The following ARB2A variants were observed in gnomAD, a reference collection of about 807,000 sequenced individuals.
ARB2A encodes cotranscriptional regulator ARB2A.
the ARB2A span, among the ~76,000 whole-genome samples, chr5:93,714,429 GC>G: frequency 6.6e-6 from 1 of 152,274 alleles, no homozygotes; most frequent in African/African-American, 2.4e-5. Context: ...AACTCTGAAA[GC>G]CTCCCTTCTA....
the ARB2A span, chr5:94,053,188 T>A: frequency 6.3e-7 from 1 of 1,599,272 alleles, no homozygotes; most frequent in Non-Finnish European, 8.5e-7. Flanking sequence ...CGGTTCATCT[T>A]TTTTCATTAG....
chr5:94,094,992 C>T, the ARB2A span, among the ~76,000 whole-genome samples: 3 of 152,212 alleles, frequency 2.0e-5, no homozygotes, highest in African/African-American at 4.8e-5. Flanking sequence ...GTCATGATCA[C>T]GTCATTCTCC....
At chr5:93,741,422 G>A in the ARB2A span, 1 of 1,613,452 alleles carries the variant, frequency 6.2e-7, no homozygotes, top group Non-Finnish European at 8.5e-7. Flanking sequence ...CTGACTGCCG[G>A]CCAGACCATC....
chr5:93,969,897 A>G, the ARB2A span, among the ~76,000 whole-genome samples: 1 of 152,114 alleles, frequency 6.6e-6, no homozygotes, highest in Non-Finnish European at 1.5e-5. Flanking sequence ...GGGAAGAGTG[A>G]CATTAAGAAG....
chr5:93,955,353 T>G, the ARB2A span, among the ~76,000 whole-genome samples: 1 of 152,212 alleles, frequency 6.6e-6, no homozygotes, highest in South Asian at 2.1e-4. Flanking sequence ...GAGAAGTTCA[T>G]ATTAATAAGC....
chr5:93,849,244 A>C, the ARB2A span, among the ~76,000 whole-genome samples: 1 of 152,202 alleles, frequency 6.6e-6, no homozygotes, highest in Admixed American at 6.6e-5. Flanking sequence ...ATTTCCACAG[A>C]TACTTCTGAA....
At chr5:93,947,533 T>C in the ARB2A span, among the ~76,000 whole-genome samples, 1 of 151,778 alleles carries the variant, frequency 6.6e-6, no homozygotes, top group East Asian at 1.9e-4. Flanking sequence ...ATTATTATTA[T>C]ACTTTAAGTT....
At chr5:93,691,294 A>G in the ARB2A span, among the ~76,000 whole-genome samples, 1 of 152,012 alleles carries the variant, frequency 6.6e-6, no homozygotes, top group Non-Finnish European at 1.5e-5. Flanking sequence ...AGGTTAGAGG[A>G]ATTGCTAACT....
At chr5:93,983,336 T>A in the ARB2A span, among the ~76,000 whole-genome samples, 1 of 152,040 alleles carries the variant, frequency 6.6e-6, no homozygotes, top group African/African-American at 2.4e-5. Flanking sequence ...GTATTTTTTG[T>A]ACCAAAAATT....
At chr5:94,013,668 A>G in the ARB2A span, among the ~76,000 whole-genome samples, 1 of 152,148 alleles carries the variant, frequency 6.6e-6, no homozygotes, top group African/African-American at 2.4e-5. Context: ...ATAATAGTAC[A>G]TGCCAAAATA....
chr5:93,789,486 C>CTGG, the ARB2A span, among the ~76,000 whole-genome samples: 1 of 152,178 alleles, frequency 6.6e-6, no homozygotes, highest in African/African-American at 2.4e-5. Context: ...GTATAAAATG[C>CTGG]TGGTACCTTT....
At chr5:93,692,050 G>C in the ARB2A span, among the ~76,000 whole-genome samples, 2 of 152,048 alleles carry the variant, frequency 1.3e-5, no homozygotes, top group Non-Finnish European at 2.9e-5. Flanking sequence ...AGGAAAAACT[G>C]GTACCTACCA....
chr5:93,883,641 A>C, the ARB2A span, among the ~76,000 whole-genome samples: 2 of 151,540 alleles, frequency 1.3e-5, no homozygotes, highest in Non-Finnish European at 3.0e-5. Flanking sequence ...TGTGCCTCTT[A>C]CAACTTTTCA....
the ARB2A span, among the ~76,000 whole-genome samples, chr5:93,886,662 A>G: frequency 6.6e-6 from 1 of 151,676 alleles, no homozygotes; most frequent in Non-Finnish European, 1.5e-5. Context: ...GTGAAGCGTT[A>G]AAGTAAACAT....
At chr5:94,027,956 AC>A in the ARB2A span, among the ~76,000 whole-genome samples, 26 of 151,860 alleles carry the variant, frequency 1.7e-4, no homozygotes, top group Non-Finnish European at 3.4e-4. Context: ...GAATTAGAGG[AC>A]CCCCCAGCTG....
At chr5:94,023,259 T>C in the ARB2A span, among the ~76,000 whole-genome samples, 7 of 152,190 alleles carry the variant, frequency 4.6e-5, no homozygotes, top group Non-Finnish European at 1.0e-4. Flanking sequence ...GGGAACGTAC[T>C]GAAGGGGGAG....
At chr5:93,962,220 A>G in the ARB2A span, among the ~76,000 whole-genome samples, 1 of 152,192 alleles carries the variant, frequency 6.6e-6, no homozygotes, top group Admixed American at 6.6e-5. Context: ...AGACTGCACC[A>G]AACAATTTTA....
At chr5:93,844,112 TAAAAAAACAAAA>T in the ARB2A span, among the ~76,000 whole-genome samples, 193 of 115,258 alleles carry the variant, frequency 1.7e-3, no homozygotes, top group African/African-American at 5.9e-3. Flanking sequence ...AAGATGAGGA[TAAAAAAACAAAA>T]AAAAAAACAA....
chr5:93,745,467 A>G, the ARB2A span, among the ~76,000 whole-genome samples: 1 of 152,186 alleles, frequency 6.6e-6, no homozygotes, highest in Non-Finnish European at 1.5e-5. Flanking sequence ...TGAGTATAGT[A>G]AGTCCATGAA....
Sources: allele counts gnomAD v4.1 joint callset (sites outside exome capture counted in the v4.1 genomes callset), GRCh38; gene constraint gnomAD v4.1.1; transcripts MANE v1.5; gene names NCBI Gene and HGNC (gene_info 2026-07-23, HGNC 2026-07-21).